EVL: variants seen among roughly 807,000 people sequenced by gnomAD.
EVL encodes the protein Enah/Vasp-like.
A neutral mutation model predicts 59.6 loss-of-function variants in EVL; 21 were observed. The observed-to-expected ratio is 0.35, with a 90% confidence interval of 0.25 to 0.51. The LOEUF is 0.51. EVL is among the 20% of genes least tolerant of loss of function. The pLI, the probability that EVL is intolerant of heterozygous loss-of-function variation, is 0.97. For missense variants in EVL, 462 were observed against 546.6 expected (o/e 0.85, Z 1.54); for synonymous variants, 198 against 203.5 (o/e 0.97, Z 0.23).
chr14:100,097,459 TTCTC>T lies in EVL; in HGVS notation c.181-17_181-14del, dbSNP rs1885897050. On this transcript the variant is annotated intron_variant, in intron 2 of 13. Transcript: ENST00000392920. ...TTACATTTTATTTATTTACACGTAT[TTCTC>T]TCTCCTTTCTCCTCCAGGTTGTGAT... The T allele has an allele frequency of 6.3e-7, 1 of 1,586,040 alleles. No homozygotes were observed. Among genetic ancestry groups the T allele is most frequent in the Non-Finnish European group, 8.6e-7 (1 of 1,165,544 alleles).
chr14:100,135,926 T>C lies in EVL; in HGVS notation c.922T>C (p.Ser308Pro). The change falls in exon 9 of 14, where the codon TCT becomes CCT. Residue 308 changes from serine (S) to proline (P), a missense_variant. Coordinates refer to ENST00000392920, the MANE Select transcript of EVL (RefSeq NM_016337.3). ...TTAGGAAGATCCTAGTACCTCCCCC[T>C]CTCCGGGGACCCGAGCAGCCAGCCA... ...SQMEDPSTSP[S>P]PGTRAASQPP... is the part of the protein sequence containing the mutation. 1 of 1,613,768 alleles carries C rather than the reference T, an allele frequency of 6.2e-7. No homozygotes were observed. The highest frequency in any genetic ancestry group is 8.5e-7 in the Non-Finnish European group (1 of 1,179,978).
At chr14:99,983,736 C>A (rs1489860194) in intron 1 of EVL, among the ~76,000 whole-genome samples, 1 of 152,186 alleles carries the variant, frequency 6.6e-6, no homozygotes, top group African/African-American at 2.4e-5. Flanking sequence ...TGATCTCAGT[C>A]TAGCTGCTTC....
intron 1 of EVL, among the ~76,000 whole-genome samples, chr14:99,981,132 T>A (rs1412297357): frequency 1.3e-5 from 2 of 151,348 alleles, no homozygotes; most frequent in East Asian, 3.9e-4. Flanking sequence ...CTTCTGTTGA[T>A]TAAGAAAAAT....
chr14:99,985,282 G>A (rs1408856444), intron 1 of EVL, among the ~76,000 whole-genome samples: 8 of 151,820 alleles, frequency 5.3e-5, no homozygotes, highest in African/African-American at 9.7e-5. Context: ...AGGTATGAAC[G>A]ACATAATTTT....
intron 1 of EVL, among the ~76,000 whole-genome samples, chr14:99,978,561 A>G (rs1260021749): frequency 6.6e-6 from 1 of 152,180 alleles, no homozygotes; most frequent in Non-Finnish European, 1.5e-5. Flanking sequence ...GACTGCTTAT[A>G]GTTGAATACC....
chr14:100,065,584 T>A, intron 1 of EVL, 73 bp downstream of exon 1: 1 of 912,920 alleles, frequency 1.1e-6, no homozygotes, highest in Non-Finnish European at 1.6e-6. Flanking sequence ...GTGAATGGGC[T>A]GTAGAAATTA....
At chr14:100,134,765 A>T (rs1283388697) in intron 8 of EVL, 1 of 152,260 alleles carries the variant, frequency 6.6e-6, no homozygotes, top group African/African-American at 2.4e-5. Context: ...GCCATGGCAG[A>T]GCTGGCCCTG....
At chr14:99,988,694 C>T (rs1419209304) in intron 1 of EVL, among the ~76,000 whole-genome samples, 1 of 152,024 alleles carries the variant, frequency 6.6e-6, no homozygotes, top group Non-Finnish European at 1.5e-5. Context: ...GTTCACGAAT[C>T]GATGAATGGA....
intron 5 of EVL, among the ~76,000 whole-genome samples, chr14:100,126,996 C>T (rs537256218): frequency 6.2e-4 from 94 of 152,324 alleles, no homozygotes; most frequent in African/African-American, 2.2e-3. Context: ...CAACCTTCTC[C>T]GGAGTGGACA....
At chr14:99,978,156 T>A (rs1338409548) in intron 1 of EVL, 1 of 146,748 alleles carries the variant, frequency 6.8e-6, no homozygotes, top group East Asian at 2.1e-4. Flanking sequence ...CCCAGCACTT[T>A]GGGAGGCCGA....
At chr14:100,123,139 C>T (rs1002155895) in intron 3 of EVL, among the ~76,000 whole-genome samples, 6 of 152,138 alleles carry the variant, frequency 3.9e-5, no homozygotes, top group African/African-American at 1.4e-4. Flanking sequence ...CCCAGTTCCC[C>T]GCTGATTTTA....
At chr14:100,002,147 G>T (rs1425675513) in intron 1 of EVL, among the ~76,000 whole-genome samples, 1 of 152,076 alleles carries the variant, frequency 6.6e-6, no homozygotes, top group East Asian at 1.9e-4. Flanking sequence ...TCCACTATTA[G>T]TTCAGTCCAT....
chr14:100,036,864 G>A (rs1182593542), intron 1 of EVL, among the ~76,000 whole-genome samples: 2 of 152,140 alleles, frequency 1.3e-5, no homozygotes, highest in African/African-American at 4.8e-5. Context: ...TTTATTCAGA[G>A]ATAGGGCCTT....
At chr14:100,110,552 T>G (rs548462239) in intron 3 of EVL, among the ~76,000 whole-genome samples, 2 of 151,874 alleles carry the variant, frequency 1.3e-5, no homozygotes, top group South Asian at 4.2e-4. Context: ...GGGGATCTGA[T>G]GAGGAGGAGG....
chr14:100,107,622 C>T (rs1489886169), intron 3 of EVL: 4 of 249,436 alleles, frequency 1.6e-5, no homozygotes, highest in Non-Finnish European at 3.0e-5. Context: ...GCATGGAAAG[C>T]AGTGCTGGTG....
intron 11 of EVL, 83 bp downstream of exon 11, chr14:100,137,885 G>T (rs753732148): frequency 7.4e-7 from 1 of 1,346,552 alleles, no homozygotes; most frequent in Non-Finnish European, 1.1e-6. Flanking sequence ...ACCCTTGCAC[G>T]CTGTCTCACG....
chr14:100,097,585 A>G lies in EVL; in HGVS notation c.285A>G (p.Ala95=). 1 of 1,614,142 alleles carries G rather than the reference A, an allele frequency of 6.2e-7. No individual in the cohort carries two copies. Among genetic ancestry groups the G allele is most frequent in the South Asian group, 1.1e-5 (1 of 91,074 alleles). Reference sequence around the variant, plus strand: ...GCCAGGTCTACGGCTTAAACTTTGCAAGTAAAGAAGAGGCAACCACGTTCT... The same window carrying G: ...GCCAGGTCTACGGCTTAAACTTTGCGAGTAAAGAAGAGGCAACCACGTTCT... The part of the protein sequence containing the change: ...DARQVYGLNF[A]SKEEATTFSN... The change falls in exon 3 of 14, where the codon GCA becomes GCG. Residue 95 remains alanine (A), a synonymous_variant. Coordinates refer to ENST00000392920, the MANE Select transcript of EVL (RefSeq NM_016337.3).
chr14:100,144,007 T>A lies in EVL; in HGVS notation c.*269T>A. 1 of 510,302 alleles carries A rather than the reference T, an allele frequency of 2.0e-6. No homozygotes were observed. The highest frequency in any genetic ancestry group is 2.8e-5 in the South Asian group (1 of 36,112). 31.6% of individuals were successfully genotyped at this position (510,302 alleles called of 1,614,324 possible). A position where few individuals can be genotyped will look rare whatever the true frequency, so the allele number is the denominator to read the frequency against. Reference sequence around the variant, plus strand: ...CTTATTTAAGGTACATTTCTTTGGGTTTCTAGAGACGCCCCTAAGTCACCT... The same window carrying A: ...CTTATTTAAGGTACATTTCTTTGGGATTCTAGAGACGCCCCTAAGTCACCT... On this transcript the variant is annotated 3_prime_UTR_variant, in exon 14 of 14. Coordinates refer to ENST00000392920, the MANE Select transcript of EVL (RefSeq NM_016337.3).
At chr14:100,075,572 C>T (rs895944399) in intron 1 of EVL, among the ~76,000 whole-genome samples, 4 of 152,154 alleles carry the variant, frequency 2.6e-5, no homozygotes, top group African/African-American at 4.8e-5. Context: ...CTGCAGAGCC[C>T]GGGCCAGAGG....
Sources: gnomAD v4.1 joint callset for allele counts (sites outside exome capture counted in the v4.1 genomes callset) on GRCh38, gnomAD v4.1.1 for gene constraint, MANE v1.5 for transcripts, NCBI Gene and HGNC (gene_info 2026-07-23, HGNC 2026-07-21) for gene names.